The following WDPCP variants were observed in gnomAD, a reference collection of about 807,000 sequenced individuals.
WDPCP encodes the protein WD repeat containing planar cell polarity effector.
In WDPCP, 71 loss-of-function variants were observed where a neutral mutation model predicts 93.1. The observed-to-expected ratio is 0.76, with a 90% CI of 0.63 to 0.93. The LOEUF is 0.93. WDPCP is among the 40% of genes least tolerant of loss of function. The pLI, the probability that WDPCP is intolerant of heterozygous loss-of-function variation, is 0.00. For synonymous variants in WDPCP, 315 were observed against 315.0 expected, an observed-to-expected ratio of 1.00 and a Z score of 0.00; for missense variants, 844 against 887.4, an observed-to-expected ratio of 0.95 and a Z score of 0.62.
chr2:63,460,702 C>A (rs1036446499), intron 6 of WDPCP, among the ~76,000 whole-genome samples: 43 of 152,066 alleles, frequency 2.8e-4, no homozygotes, highest in Admixed American at 2.8e-3. Flanking sequence ...TCTCGGCTCA[C>A]TGCAAGCTCC....
chr2:63,541,435 G>A (rs904314333), intron 1 of WDPCP, among the ~76,000 whole-genome samples: 1 of 151,962 alleles, frequency 6.6e-6, no homozygotes, highest in African/African-American at 2.4e-5. Flanking sequence ...ATTCTTAATT[G>A]TGTAATGTTG....
At chr2:63,340,554 A>G (rs1688764380) in intron 12 of WDPCP, among the ~76,000 whole-genome samples, 1 of 152,184 alleles carries the variant, frequency 6.6e-6, no homozygotes, top group African/African-American at 2.4e-5. Context: ...GGACCCCAAT[A>G]TAGTGTGACT....
intron 2 of WDPCP, among the ~76,000 whole-genome samples, chr2:63,736,471 A>G (rs1030541172): frequency 1.3e-5 from 2 of 152,242 alleles, no homozygotes; most frequent in African/African-American, 4.8e-5. Context: ...TAGGTCTTAC[A>G]GAGAACTTGT....
intron 1 of WDPCP, among the ~76,000 whole-genome samples, chr2:63,563,880 A>C (rs1209594115): frequency 6.6e-6 from 1 of 152,160 alleles, no homozygotes; most frequent in Non-Finnish European, 1.5e-5. Flanking sequence ...TCACTTTATA[A>C]ACTACCCACT....
Position 63,146,677 on chromosome 2 carries a change from G to C in WDPCP, c.2190+6237C>G, listed in dbSNP as rs150425319. Among the ~76,000 whole-genome samples, 317 of 152,204 alleles carry C rather than the reference G, an allele frequency of 2.1e-3. 4 individuals are homozygous for C. The highest frequency in any genetic ancestry group is 0.016 in the Admixed American group (241 of 15,290). On this transcript the variant is annotated intron_variant, in intron 17 of 17. Transcript: ENST00000272321. ...GGCGTAAGCCACTGTTCCCGGCCGA[G>C]AGTTTTTAACATGTTAATGATATGT...
At chr2:63,345,905 A>C (rs1214444500) in intron 12 of WDPCP, among the ~76,000 whole-genome samples, 1 of 152,174 alleles carries the variant, frequency 6.6e-6, no homozygotes, top group Non-Finnish European at 1.5e-5. Context: ...AACTACAGTC[A>C]AATCTCAGCA....
chr2:63,197,719 T>A (rs185882280), intron 14 of WDPCP, among the ~76,000 whole-genome samples: 1 of 152,190 alleles, frequency 6.6e-6, no homozygotes. Flanking sequence ...AGTGAGAACA[T>A]GCAATATTTG....
the WDPCP span, among the ~76,000 whole-genome samples, chr2:63,837,370 T>C: frequency 6.6e-6 from 1 of 152,272 alleles, no homozygotes; most frequent in Admixed American, 6.5e-5. Context: ...CCCTTTTTCC[T>C]CTCTCATGTG....
At chr2:63,360,192 C>T (rs1690340990) in intron 12 of WDPCP, 1 of 152,154 alleles carries the variant, frequency 6.6e-6, no homozygotes, top group South Asian at 2.1e-4. Context: ...ATCATTTTTC[C>T]TCCAAACAGT....
intron 1 of WDPCP, among the ~76,000 whole-genome samples, chr2:63,522,451 G>C (rs866327191): frequency 8.6e-4 from 79 of 92,054 alleles, no homozygotes; most frequent in African/African-American, 3.2e-3. Flanking sequence ...CAGACAGACA[G>C]ACAGACACAC....
At chr2:63,839,549 C>A in the WDPCP span, among the ~76,000 whole-genome samples, 8 of 152,266 alleles carry the variant, frequency 5.3e-5, no homozygotes, top group Admixed American at 5.2e-4. Flanking sequence ...CAGAGCAAGA[C>A]TCCGTCTCAA....
At chr2:63,571,337 T>A in intron 1 of WDPCP, 1 of 450,288 alleles carries the variant, frequency 2.2e-6, no homozygotes, top group South Asian at 1.6e-5. Context: ...GTCATTTTTT[T>A]AATTGAGAGA....
chr2:63,186,794 G>GTT (rs200312898), intron 14 of WDPCP, among the ~76,000 whole-genome samples: 2,299 of 147,210 alleles, frequency 0.016, 63 homozygotes, highest in African/African-American at 0.055. Context: ...ACTGTGCACT[G>GTT]TTTTGTGTGT....
At chr2:63,642,473 T>TC (rs1421659595) in intron 3 of WDPCP, 1 of 151,378 alleles carries the variant, frequency 6.6e-6, no homozygotes, top group Non-Finnish European at 1.5e-5. Context: ...CTTTTTTTTT[T>TC]TTTGGTGTCA....
At chr2:63,661,220 G>A (rs146450587) in intron 2 of WDPCP, among the ~76,000 whole-genome samples, 53 of 152,256 alleles carry the variant, frequency 3.5e-4, no homozygotes, top group African/African-American at 1.2e-3. Context: ...AGTGTCATCT[G>A]GGAACATCTC....
chr2:63,291,996 G>A (rs756253003), intron 13 of WDPCP, among the ~76,000 whole-genome samples: 59 of 151,340 alleles, frequency 3.9e-4, no homozygotes, highest in Admixed American at 8.5e-4. Context: ...AGCCGGGCGC[G>A]GTGGCGGGCG....
intron 13 of WDPCP, among the ~76,000 whole-genome samples, chr2:63,309,979 C>T (rs1575112321): frequency 6.6e-6 from 1 of 152,238 alleles, no homozygotes; most frequent in East Asian, 1.9e-4. Flanking sequence ...GTAGAGACTA[C>T]TTGTTTTTAA....
intron 2 of WDPCP, among the ~76,000 whole-genome samples, chr2:63,710,878 G>C (rs1427401316): frequency 6.6e-6 from 1 of 152,168 alleles, no homozygotes; most frequent in Non-Finnish European, 1.5e-5. Context: ...CTGTATTAGG[G>C]ATCTATTTCA....
intron 2 of WDPCP, among the ~76,000 whole-genome samples, chr2:63,678,716 T>C (rs1710454436): frequency 6.6e-6 from 1 of 152,266 alleles, no homozygotes; most frequent in Admixed American, 6.5e-5. Flanking sequence ...GCGATTCTGC[T>C]ATTTCTTTTG....
Sources: allele counts gnomAD v4.1 joint callset (sites outside exome capture counted in the v4.1 genomes callset), GRCh38; gene constraint gnomAD v4.1.1; transcripts MANE v1.5; gene names NCBI Gene and HGNC (gene_info 2026-07-23, HGNC 2026-07-21).